Variants in MYT1L observed in about 807,000 individuals in gnomAD.
The protein encoded by MYT1L is myelin transcription factor 1-like protein.
A neutral mutation model predicts 126.7 loss-of-function variants in MYT1L; 12 were observed. That is an observed-to-expected ratio of 0.09 (90% CI 0.06 to 0.15). MYT1L has a LOEUF of 0.15. Among genes scored for constraint, MYT1L ranks in the 10% least tolerant of loss-of-function variants. The pLI is 1.00. For missense variants in MYT1L, 979 were observed against 1,585.2 expected (o/e 0.62, Z 6.49); for synonymous variants, 541 against 604.2 (o/e 0.90, Z 1.53).
At chr2:2,167,204 ACT>A (rs1165516331) in intron 3 of MYT1L, among the ~76,000 whole-genome samples, 1 of 152,176 alleles carries the variant, frequency 6.6e-6, no homozygotes, top group Admixed American at 6.5e-5. Flanking sequence ...GGAAACACTC[ACT>A]GTTTTACATA....
At chr2:2,110,571 CCTCT>C (rs1406654160) in intron 3 of MYT1L, among the ~76,000 whole-genome samples, 2 of 147,882 alleles carry the variant, frequency 1.4e-5, no homozygotes, top group Non-Finnish European at 3.0e-5. Context: ...TCCCTCCCTC[CCTCT>C]CTCCTTCTCT....
intron 3 of MYT1L, among the ~76,000 whole-genome samples, chr2:2,148,236 T>C (rs1169186444): frequency 6.6e-6 from 1 of 152,210 alleles, no homozygotes; most frequent in African/African-American, 2.4e-5. Context: ...ACCAGTTTCT[T>C]GGAAGATCAT....
At chr2:2,279,562 AATG>A (rs1459512891) in intron 2 of MYT1L, among the ~76,000 whole-genome samples, 1 of 125,616 alleles carries the variant, frequency 8.0e-6, no homozygotes, top group African/African-American at 3.0e-5. Flanking sequence ...AGAAGGAATG[AATG>A]AATGAAGGAA....
At chr2:2,184,164 A>G (rs571781643) in intron 2 of MYT1L, among the ~76,000 whole-genome samples, 1 of 152,194 alleles carries the variant, frequency 6.6e-6, no homozygotes, top group Non-Finnish European at 1.5e-5. Context: ...TCACAATTTT[A>G]AACGTCTAAA....
chr2:1,792,392 G>C lies in MYT1L; in HGVS notation c.3349C>G (p.Leu1117Val). The C allele has an allele frequency of 6.2e-7, 1 of 1,613,020 alleles. No homozygotes were observed. Among genetic ancestry groups the C allele is most frequent in the Non-Finnish European group, 8.5e-7 (1 of 1,179,536 alleles). The stretch of plus-strand genomic sequence containing the variant: ...CTCAGGTTCGCCAGCTCGTGGAGGA[G>C]AGACTCGTTCTGCTGCTCAATCACT... ...NKVIEQQNES[L>V]LHELANLSQS... is the part of the protein sequence containing the mutation. The change falls in exon 24 of 25, where the codon CTC (leucine) becomes GTC (valine). Residue 1117 changes from leucine to valine, a missense_variant. Around this residue, in one of 12 missense-constraint regions of MYT1L, gnomAD observed 179 missense variants for 398.6 expected, o/e 0.45. Transcript: ENST00000647738.
chr2:2,323,752 T>C (rs999828932), intron 1 of MYT1L, among the ~76,000 whole-genome samples: 3 of 152,198 alleles, frequency 2.0e-5, no homozygotes, highest in East Asian at 3.8e-4. Flanking sequence ...CATTTCCTAG[T>C]TGTAGATTCT....
At chr2:1,920,567 T>A (rs867071995) in intron 10 of MYT1L, among the ~76,000 whole-genome samples, 7 of 152,256 alleles carry the variant, frequency 4.6e-5, no homozygotes, top group Middle Eastern at 3.4e-3. Flanking sequence ...CCAAACTCCA[T>A]CCTCAGATCT....
chr2:2,226,459 C>T (rs1039969955), intron 2 of MYT1L, among the ~76,000 whole-genome samples: 1 of 152,118 alleles, frequency 6.6e-6, no homozygotes, highest in Non-Finnish European at 1.5e-5. Flanking sequence ...CCGTGGACAC[C>T]GCTCTCCTGG....
chr2:2,212,979 GT>G (rs1239849606), intron 2 of MYT1L, among the ~76,000 whole-genome samples: 1 of 152,168 alleles, frequency 6.6e-6, no homozygotes, highest in Non-Finnish European at 1.5e-5. Context: ...AGGCAAATAA[GT>G]AGAGGGGAGA....
chr2:1,935,848 C>A (rs942073064), intron 9 of MYT1L, among the ~76,000 whole-genome samples: 2 of 152,216 alleles, frequency 1.3e-5, no homozygotes, highest in Non-Finnish European at 2.9e-5. Context: ...TTCGACCCCA[C>A]TATCTTACAT....
intron 21 of MYT1L, among the ~76,000 whole-genome samples, chr2:1,830,973 T>A (rs6760938): frequency 6.6e-6 from 1 of 151,966 alleles, no homozygotes; most frequent in African/African-American, 2.4e-5. Context: ...CTTCCCCACA[T>A]CCTGACAGCT....
intron 11 of MYT1L, among the ~76,000 whole-genome samples, chr2:1,913,242 A>C (rs754610273): frequency 6.6e-6 from 1 of 152,182 alleles, no homozygotes; most frequent in African/African-American, 2.4e-5. Context: ...ACTGCTGGGC[A>C]GTCCCTTCAG....
At chr2:2,265,076 G>A (rs141348657) in intron 2 of MYT1L, among the ~76,000 whole-genome samples, 4 of 149,646 alleles carry the variant, frequency 2.7e-5, no homozygotes, top group Non-Finnish European at 5.9e-5. Flanking sequence ...CACCCAGCCT[G>A]GAGTGCAGTG....
At chr2:1,927,039 T>C (rs1036772921) in intron 9 of MYT1L, among the ~76,000 whole-genome samples, 3 of 152,242 alleles carry the variant, frequency 2.0e-5, no homozygotes, top group Non-Finnish European at 4.4e-5. Flanking sequence ...TTTAAATCTG[T>C]CATCCAGCAA....
intron 4 of MYT1L, among the ~76,000 whole-genome samples, chr2:2,045,033 A>C (rs747738751): frequency 6.6e-5 from 10 of 152,192 alleles, no homozygotes; most frequent in Non-Finnish European, 1.5e-4. Flanking sequence ...TTTCCATGTA[A>C]ATGAGGAGCA....
chr2:2,317,703 T>A (rs1559657386), intron 1 of MYT1L, among the ~76,000 whole-genome samples: 1 of 152,206 alleles, frequency 6.6e-6, no homozygotes, highest in Non-Finnish European at 1.5e-5. Flanking sequence ...TCATGGGTCA[T>A]TTTTAATATT....
At chr2:1,794,067 A>C (rs1241953699) in intron 23 of MYT1L, among the ~76,000 whole-genome samples, 1 of 152,212 alleles carries the variant, frequency 6.6e-6, no homozygotes, top group Non-Finnish European at 1.5e-5. Context: ...ATGAGGCGTC[A>C]TGGCCCAGGT....
chr2:2,274,816 G>A (rs564033043), intron 2 of MYT1L, among the ~76,000 whole-genome samples: 30 of 152,290 alleles, frequency 2.0e-4, no homozygotes, highest in African/African-American at 6.7e-4. Context: ...GAGAAGTGGT[G>A]ATGAAGGCCT....
chr2:1,926,140 C>T (rs904147108), intron 9 of MYT1L, among the ~76,000 whole-genome samples: 1 of 152,096 alleles, frequency 6.6e-6, no homozygotes, highest in Admixed American at 6.5e-5. Flanking sequence ...GTGGGGACGG[C>T]GGGTGAAGAT....
Sources: allele counts gnomAD v4.1 joint callset (sites outside exome capture counted in the v4.1 genomes callset), GRCh38; gene constraint gnomAD v4.1.1; regional missense constraint gnomAD v4.1.1; transcripts MANE v1.5; gene names NCBI Gene and HGNC (gene_info 2026-07-23, HGNC 2026-07-21).